The following SORCS2 variants were observed in gnomAD, a reference collection of about 807,000 sequenced individuals.
SORCS2 encodes the protein sortilin related VPS10 domain containing receptor 2, also known as VPS10 domain-containing receptor SorCS2.
In SORCS2, 100 loss-of-function variants were observed where a neutral mutation model predicts 141.6. The observed-to-expected ratio is 0.71, with a 90% CI of 0.60 to 0.83. The LOEUF is 0.83. Among genes scored for constraint, SORCS2 ranks in the 40% least tolerant of loss-of-function variants. The probability of loss-of-function intolerance (pLI) is 0.00; values close to 1 mark genes in which losing one functional copy is unlikely to be tolerated. For synonymous variants in SORCS2, 789 were observed against 676.9 expected, an observed-to-expected ratio of 1.17 and a Z score of -2.57; for missense variants, 1,646 against 1,560.2, an observed-to-expected ratio of 1.05 and a Z score of -0.93.
At chr4:7,206,215 C>G (rs188145644) in intron 1 of SORCS2, among the ~76,000 whole-genome samples, 205 of 152,318 alleles carry the variant, frequency 1.3e-3, no homozygotes, top group African/African-American at 4.7e-3. Context: ...CCCCAGGCCT[C>G]CTCTCTGGTC....
chr4:7,235,094 C>G (rs1333289591), intron 1 of SORCS2, among the ~76,000 whole-genome samples: 1 of 152,244 alleles, frequency 6.6e-6, no homozygotes, highest in Non-Finnish European at 1.5e-5. Context: ...AACTCTGTGT[C>G]TATCTGGCGT....
At chr4:7,238,300 T>C (rs28451130) in intron 1 of SORCS2, among the ~76,000 whole-genome samples, 131,261 of 151,936 alleles carry the variant, frequency 0.86, 56,896 homozygotes, top group African/African-American at 0.93. Context: ...TGGGGGGGGT[T>C]GCTGGTACTG....
chr4:7,650,071 G>A (rs931490372), intron 4 of SORCS2, among the ~76,000 whole-genome samples: 2 of 152,152 alleles, frequency 1.3e-5, no homozygotes, highest in East Asian at 1.9e-4. Flanking sequence ...GGCCAGTGAC[G>A]GAAATTGCTG....
chr4:7,644,829 G>A (rs1267466775), intron 4 of SORCS2, among the ~76,000 whole-genome samples: 1 of 152,242 alleles, frequency 6.6e-6, no homozygotes, highest in East Asian at 1.9e-4. Flanking sequence ...GATGTTGAGT[G>A]ATGAAATTCA....
At chr4:7,640,825 A>G (rs1209648687) in intron 4 of SORCS2, among the ~76,000 whole-genome samples, 1 of 152,156 alleles carries the variant, frequency 6.6e-6, no homozygotes, top group African/African-American at 2.4e-5. Flanking sequence ...CAACTGAGCC[A>G]AACTGTGGCT....
chr4:7,400,698 G>C (rs1724519176), intron 2 of SORCS2, among the ~76,000 whole-genome samples: 1 of 152,066 alleles, frequency 6.6e-6, no homozygotes, highest in Non-Finnish European at 1.5e-5. Flanking sequence ...CAGATGGATG[G>C]ATGAATGGAT....
chr4:7,697,159 G>T (rs907581743), intron 11 of SORCS2, 39 bp from the exon 12 acceptor site: 2 of 1,519,748 alleles, frequency 1.3e-6, no homozygotes, highest in African/African-American at 2.8e-5. Context: ...AAAGCTGGAC[G>T]ATCCTAAGGG....
intron 2 of SORCS2, among the ~76,000 whole-genome samples, chr4:7,459,125 G>A (rs1445086454): frequency 2.0e-5 from 3 of 152,130 alleles, no homozygotes; most frequent in East Asian, 3.9e-4. Context: ...GCCCTGAGGG[G>A]TGCAGTGAAG....
intron 1 of SORCS2, among the ~76,000 whole-genome samples, chr4:7,353,290 G>A (rs1721059408): frequency 6.6e-6 from 1 of 152,238 alleles, no homozygotes; most frequent in Non-Finnish European, 1.5e-5. Context: ...TGGGACCCAA[G>A]TGGGCTGGCA....
chr4:7,371,004 G>A (rs972154948), intron 1 of SORCS2, among the ~76,000 whole-genome samples: 2 of 152,188 alleles, frequency 1.3e-5, no homozygotes, highest in East Asian at 1.9e-4. Context: ...CCCACAGCAC[G>A]GGGTACGATC....
chr4:7,740,134 C>G, intron 26 of SORCS2, 66 bp from the exon 27 acceptor site: 4 of 1,417,042 alleles, frequency 2.8e-6, no homozygotes, highest in Non-Finnish European at 2.9e-6. Flanking sequence ...ACGACCGTGT[C>G]CCCTGTGGCC....
intron 2 of SORCS2, among the ~76,000 whole-genome samples, chr4:7,425,578 C>T (rs752593505): frequency 6.6e-6 from 1 of 152,210 alleles, no homozygotes; most frequent in Non-Finnish European, 1.5e-5. Flanking sequence ...CTTGGTCTCA[C>T]AGAGAAACGT....
At chr4:7,262,115 G>A (rs1714366146) in intron 1 of SORCS2, among the ~76,000 whole-genome samples, 1 of 151,750 alleles carries the variant, frequency 6.6e-6, no homozygotes, top group Non-Finnish European at 1.5e-5. Context: ...GGTGGCAAAA[G>A]GTCTCAGCAG....
chr4:7,704,085 T>G lies in SORCS2; in HGVS notation c.1761-92T>G, dbSNP rs1577094754. On this transcript the variant is annotated intron_variant, in intron 13 of 26. Transcript: ENST00000507866. ...ACTGGCAAGGTTGGCTAGTGCAGCC[T>G]CCGCCCCTCCAGCTGGACCCGCCGG... 3 of 1,150,906 alleles carry G rather than the reference T, an allele frequency of 2.6e-6. No individual in the cohort carries two copies. In the East Asian group the frequency reaches 7.7e-5, roughly 29 times the overall value. 71.3% of individuals were successfully genotyped at this position (1,150,906 alleles called of 1,614,324 possible).
intron 4 of SORCS2, among the ~76,000 whole-genome samples, chr4:7,641,821 G>GAT (rs1720753244): frequency 7.5e-6 from 1 of 132,710 alleles, no homozygotes; most frequent in Non-Finnish European, 1.6e-5. Context: ...TGGATGGGTG[G>GAT]GTGGATGGAT....
intron 3 of SORCS2, among the ~76,000 whole-genome samples, chr4:7,570,604 A>C (rs1715324909): frequency 6.6e-6 from 1 of 152,206 alleles, no homozygotes; most frequent in Non-Finnish European, 1.5e-5. Context: ...TGCCCATGGA[A>C]ATGGGAGGTG....
chr4:7,469,097 C>T (rs1029135868), intron 2 of SORCS2, among the ~76,000 whole-genome samples: 29 of 151,276 alleles, frequency 1.9e-4, no homozygotes, highest in African/African-American at 7.1e-4. Flanking sequence ...GTGAGGCTGG[C>T]TGTGATGGTG....
chr4:7,334,372 C>T (rs1719856398), intron 1 of SORCS2, among the ~76,000 whole-genome samples: 1 of 152,004 alleles, frequency 6.6e-6, no homozygotes, highest in African/African-American at 2.4e-5. Flanking sequence ...CCTGGTCAGT[C>T]CTCTCACCCG....
chr4:7,649,537 G>C (rs746571281), intron 4 of SORCS2, among the ~76,000 whole-genome samples: 5 of 152,128 alleles, frequency 3.3e-5, no homozygotes, highest in African/African-American at 9.7e-5. Context: ...GGAGAGGGGT[G>C]CAGTGTGCAG....
Sources: allele counts gnomAD v4.1 joint callset (sites outside exome capture counted in the v4.1 genomes callset), GRCh38; gene constraint gnomAD v4.1.1; transcripts MANE v1.5; gene names NCBI Gene and HGNC (gene_info 2026-07-23, HGNC 2026-07-21).